Variants in AGTPBP1 observed in about 807,000 individuals in gnomAD.
AGTPBP1 encodes ATP/GTP binding carboxypeptidase 1.
Under a neutral mutation model 143.9 loss-of-function variants are expected in AGTPBP1, and 70 were observed. The observed-to-expected ratio is 0.49, with a 90% confidence interval of 0.40 to 0.59. AGTPBP1 has a LOEUF of 0.59. Among genes scored for constraint, AGTPBP1 ranks in the 20% least tolerant of loss-of-function variants. AGTPBP1 has a pLI of 0.00. For missense variants in AGTPBP1, 1,229 were observed against 1,464.5 expected, an observed-to-expected ratio of 0.84 and a Z score of 2.62; for synonymous variants, 463 against 500.2, an observed-to-expected ratio of 0.93 and a Z score of 0.99.
the AGTPBP1 span, chr9:85,765,091 G>A: frequency 1.9e-5 from 10 of 518,826 alleles, no homozygotes; most frequent in Admixed American, 1.3e-4. Context: ...CATAAACCAC[G>A]CTTGACTAGA....
At chr9:85,755,775 C>T in the AGTPBP1 span, among the ~76,000 whole-genome samples, 1 of 152,194 alleles carries the variant, frequency 6.6e-6, no homozygotes, top group African/African-American at 2.4e-5. Context: ...GTAAAATACT[C>T]CAGCATGTTC....
rs781344065 is a variant in AGTPBP1, at chr9:85,642,943, T to G, written c.1186A>C (p.Asn396His). 3 of 1,603,378 alleles carry G rather than the reference T, an allele frequency of 1.9e-6. No homozygotes were observed. The highest frequency in any genetic ancestry group is 2.6e-6 in the Non-Finnish European group (3 of 1,171,878). Residue 396 changes from asparagine (N) to histidine (H), a missense_variant and splice_region_variant, in exon 13 of 26, where the codon AAT becomes CAT. This residue lies in a region of AGTPBP1 where 743 missense variants were observed against 812.2 expected (regional missense o/e 0.91). Transcript: ENST00000357081. ...NEDDLDQNFK[N>H]DDIETDINKL... is the part of the protein sequence containing the mutation. ...TTAATATCTGTTTCAATATCATCAT[T>G]CTGAAATGATAAAAAGAGTATGTTA...
intron 4 of AGTPBP1, among the ~76,000 whole-genome samples, chr9:85,679,618 C>T (rs1488722528): frequency 2.0e-5 from 3 of 152,306 alleles, no homozygotes; most frequent in Non-Finnish European, 4.4e-5. Flanking sequence ...CCGTGTTAGC[C>T]AGGATGGTCT....
chr9:85,690,419 G>C (rs748744283), intron 3 of AGTPBP1, among the ~76,000 whole-genome samples: 2 of 152,210 alleles, frequency 1.3e-5, no homozygotes, highest in Admixed American at 6.5e-5. Context: ...CCCAGTGGTG[G>C]CTGAAAAGGT....
chr9:85,677,863 G>C (rs1834932264), intron 5 of AGTPBP1, among the ~76,000 whole-genome samples: 1 of 152,036 alleles, frequency 6.6e-6, no homozygotes, highest in East Asian at 1.9e-4. Flanking sequence ...AATTAGCCAG[G>C]CATGGTGGCG....
chr9:85,597,881 T>C (rs563663220), intron 17 of AGTPBP1, among the ~76,000 whole-genome samples: 21 of 152,278 alleles, frequency 1.4e-4, no homozygotes, highest in African/African-American at 4.8e-4. Flanking sequence ...TTAGCTAATA[T>C]TTAGAATTTT....
chr9:85,745,909 C>T (rs1196409925), upstream of AGTPBP1, among the ~76,000 whole-genome samples: 2 of 152,176 alleles, frequency 1.3e-5, no homozygotes, highest in African/African-American at 2.4e-5. Context: ...CCTGTAAGCT[C>T]GAGCTCCAGA....
chr9:85,764,034 ACAC>A, the AGTPBP1 span, among the ~76,000 whole-genome samples: 1 of 151,284 alleles, frequency 6.6e-6, no homozygotes, highest in Non-Finnish European at 1.5e-5. Flanking sequence ...ATGTTTAAAC[ACAC>A]CACATCTCAA....
intron 3 of AGTPBP1, among the ~76,000 whole-genome samples, chr9:85,689,697 C>G (rs190684460): frequency 0.021 from 3,231 of 151,520 alleles, 55 homozygotes; most frequent in Non-Finnish European, 0.032. Context: ...GAGTTTGAGA[C>G]CAGCCTGGCC....
the AGTPBP1 span, among the ~76,000 whole-genome samples, chr9:85,750,274 G>A: frequency 1.3e-5 from 2 of 152,144 alleles, no homozygotes; most frequent in Non-Finnish European, 2.9e-5. Flanking sequence ...AATGTCTAGG[G>A]CTATCACAGG....
intron 11 of AGTPBP1, among the ~76,000 whole-genome samples, chr9:85,646,694 G>A (rs1037979251): frequency 1.4e-4 from 21 of 152,154 alleles, no homozygotes; most frequent in African/African-American, 4.3e-4. Flanking sequence ...TAGCCTGAAT[G>A]AAACATCCTG....
At chr9:85,799,181 T>G in the AGTPBP1 span, among the ~76,000 whole-genome samples, 1 of 152,202 alleles carries the variant, frequency 6.6e-6, no homozygotes, top group Non-Finnish European at 1.5e-5. Context: ...TATGGCTGCA[T>G]AGCATTCCAT....
upstream of AGTPBP1, among the ~76,000 whole-genome samples, chr9:85,746,541 A>T (rs1283865444): frequency 6.6e-6 from 1 of 152,128 alleles, no homozygotes; most frequent in Non-Finnish European, 1.5e-5. Flanking sequence ...AGGCAGGAGG[A>T]TAGCTTGAGC....
chr9:85,725,056 CCCCTGCA>C (rs1352567565), intron 1 of AGTPBP1, among the ~76,000 whole-genome samples: 1 of 152,192 alleles, frequency 6.6e-6, no homozygotes, highest in African/African-American at 2.4e-5. Flanking sequence ...TTCCCAGACT[CCCCTGCA>C]CCCTGCAGCT....
Position 85,741,824 on chromosome 9 carries a change from G to A in AGTPBP1, c.-83C>T, listed in dbSNP as rs1379684637. 3 of 1,398,562 alleles carry A rather than the reference G, an allele frequency of 2.1e-6. No homozygotes were observed. The African/African-American group carries it at 4.5e-5, about 21-fold the overall frequency. The allele number at this position is 1,398,562 out of a possible 1,614,324, so 86.6% of individuals were successfully genotyped here. A position where few individuals can be genotyped will look rare whatever the true frequency, so the allele number is the denominator to read the frequency against. ...GGACCGCGCAGAGCCGCAGCACCCGGCTCAGCACCTGGATCACGGCGGATC... is the reference window on the plus strand; with the variant it reads ...GGACCGCGCAGAGCCGCAGCACCCGACTCAGCACCTGGATCACGGCGGATC... On this transcript the variant is annotated 5_prime_UTR_variant, in exon 1 of 26. Transcript: ENST00000357081.
rs1192711107 is a variant in AGTPBP1, at chr9:85,721,492, T to G, written c.-33-8926A>C. Among the ~76,000 whole-genome samples, 36 of 78,798 alleles carry G rather than the reference T, an allele frequency of 4.6e-4. No homozygotes were observed. In the African/African-American group the frequency reaches 5.0e-3, roughly 11 times the overall value. The allele number at this position is 78,798 out of a possible 152,430, so 51.7% of individuals were successfully genotyped here. On this transcript the variant is annotated intron_variant, in intron 1 of 25. Coordinates refer to ENST00000357081, the MANE Select transcript of AGTPBP1 (RefSeq NM_001330701.2). ...AGAGACTAGGATTGCAACCCCTGCT[T>G]TTTTTTTTTTTTTTTCTTTCCATTT...
intron 21 of AGTPBP1, 127 bp downstream of exon 21, chr9:85,588,171 C>A: frequency 1.4e-6 from 1 of 727,936 alleles, no homozygotes. Context: ...TCTTAATTTC[C>A]CACCAAAAAT....
At chr9:85,613,227 T>C (rs1416956840) in intron 17 of AGTPBP1, among the ~76,000 whole-genome samples, 3 of 151,730 alleles carry the variant, frequency 2.0e-5, no homozygotes, top group African/African-American at 7.3e-5. Context: ...AAGAGAAAAT[T>C]TGAAACTTAA....
chr9:85,705,721 C>T (rs536747118), intron 2 of AGTPBP1, among the ~76,000 whole-genome samples: 12 of 151,900 alleles, frequency 7.9e-5, no homozygotes, highest in South Asian at 2.1e-4. Flanking sequence ...GACGGAGTCT[C>T]GCTCTGTCAC....
Sources: gnomAD v4.1 joint callset for allele counts (sites outside exome capture counted in the v4.1 genomes callset) on GRCh38, gnomAD v4.1.1 for gene constraint, gnomAD v4.1.1 regional missense constraint, MANE v1.5 for transcripts, NCBI Gene and HGNC (gene_info 2026-07-23, HGNC 2026-07-21) for gene names.